The following GALNT13 variants were observed in gnomAD, a reference collection of about 807,000 sequenced individuals.
The protein encoded by GALNT13 is UDP-GalNAc:polypeptide N-acetylgalactosaminyltransferase 13.
Under a neutral mutation model 64.2 loss-of-function variants are expected in GALNT13, and 28 were observed. The ratio of observed to expected loss-of-function variants is 0.44; its 90% CI spans 0.32 to 0.60. GALNT13 has a LOEUF of 0.60. GALNT13 is among the 20% of genes least tolerant of loss of function. The pLI, the probability that GALNT13 is intolerant of heterozygous loss-of-function variation, is 0.05. For missense variants in GALNT13, 577 were observed against 669.8 expected, an observed-to-expected ratio of 0.86 and a Z score of 1.53; for synonymous variants, 214 against 224.6, an observed-to-expected ratio of 0.95 and a Z score of 0.42.
intron 11 of GALNT13, among the ~76,000 whole-genome samples, chr2:154,432,752 G>A (rs188825430): frequency 2.5e-4 from 38 of 152,134 alleles, no homozygotes; most frequent in Admixed American, 3.3e-4. Context: ...TTATAAGGAC[G>A]CCAGTCCTTT....
At chr2:153,630,794 T>A in the GALNT13 span, among the ~76,000 whole-genome samples, 2 of 13,006 alleles carry the variant, frequency 1.5e-4, no homozygotes, top group African/African-American at 2.6e-4. Context: ...TATATATATA[T>A]ATATATATAT....
At chr2:154,141,009 A>G (rs1473572522) in intron 4 of GALNT13, among the ~76,000 whole-genome samples, 1 of 152,204 alleles carries the variant, frequency 6.6e-6, no homozygotes, top group Admixed American at 6.5e-5. Context: ...ACAGCATTTT[A>G]CTGTACTGAA....
the GALNT13 span, among the ~76,000 whole-genome samples, chr2:153,253,810 G>C: frequency 2.0e-5 from 3 of 151,694 alleles, no homozygotes; most frequent in Non-Finnish European, 4.4e-5. Flanking sequence ...TGCATCCCAG[G>C]GATGAAGCCC....
At chr2:153,771,658 G>T in the GALNT13 span, among the ~76,000 whole-genome samples, 1 of 152,158 alleles carries the variant, frequency 6.6e-6, no homozygotes, top group Non-Finnish European at 1.5e-5. Context: ...GTAGGAAAAA[G>T]GAGGGGCACC....
At chr2:153,868,175 T>C (rs566661593), upstream of GALNT13, among the ~76,000 whole-genome samples, 2 of 152,308 alleles carry the variant, frequency 1.3e-5, no homozygotes, top group Non-Finnish European at 2.9e-5. Flanking sequence ...TCCCAGTTCC[T>C]AGTAAATAAC....
At chr2:153,507,094 T>C in the GALNT13 span, among the ~76,000 whole-genome samples, 1 of 152,132 alleles carries the variant, frequency 6.6e-6, no homozygotes, top group Non-Finnish European at 1.5e-5. Context: ...TTCAAAAGCC[T>C]TGTATTCAAG....
At chr2:153,267,199 C>T in the GALNT13 span, among the ~76,000 whole-genome samples, 6 of 152,224 alleles carry the variant, frequency 3.9e-5, no homozygotes, top group African/African-American at 1.2e-4. Flanking sequence ...ACCTGTGGCT[C>T]TGTAAGGTAC....
At chr2:153,633,036 C>T in the GALNT13 span, among the ~76,000 whole-genome samples, 1 of 152,132 alleles carries the variant, frequency 6.6e-6, no homozygotes, top group Non-Finnish European at 1.5e-5. Context: ...GCTGGGATTA[C>T]AGGCGTGAGC....
the GALNT13 span, among the ~76,000 whole-genome samples, chr2:153,808,940 A>G: frequency 6.6e-6 from 1 of 152,210 alleles, no homozygotes; most frequent in Admixed American, 6.5e-5. Context: ...TGAATATCTG[A>G]ACATGGGTAG....
rs78560447 is a variant in GALNT13, at chr2:153,926,903, C to T, written c.-104-17491C>T. On this transcript the variant is annotated intron_variant, in intron 2 of 12. Coordinates refer to ENST00000392825, the MANE Select transcript of GALNT13 (RefSeq NM_052917.4). ...CTAGTTACTATATAAAATCACAAAACGCATTAGAGAAGCACAATGAAAATT... is the reference window on the plus strand; with the variant it reads ...CTAGTTACTATATAAAATCACAAAATGCATTAGAGAAGCACAATGAAAATT... Among the ~76,000 whole-genome samples, 832 of 152,096 alleles carry T rather than the reference C, an allele frequency of 5.5e-3. 2 individuals are homozygous for T. Among genetic ancestry groups the T allele is most frequent in the Non-Finnish European group, 7.8e-3 (530 of 67,956 alleles).
At position 153,872,074 on chromosome 2, in the gene GALNT13, G is replaced by A. The variant is rs1304589495; in HGVS notation, c.-406G>A. On this transcript the variant is annotated 5_prime_UTR_variant, in exon 1 of 13. Transcript: ENST00000392825. ...TGAAGGCCCCTCTCTGGGGCTGGCCGAGGCTGGAGCCGGCTCCCTCTGCTC... is the reference window on the plus strand; with the variant it reads ...TGAAGGCCCCTCTCTGGGGCTGGCCAAGGCTGGAGCCGGCTCCCTCTGCTC... 2.0e-5 allele frequency: 3 copies of A among 152,164 alleles called. No homozygotes were observed. The highest frequency in any genetic ancestry group is 3.9e-4 in the East Asian group (2 of 5,098). 9.4% of individuals were successfully genotyped at this position (152,164 alleles called of 1,614,324 possible). A position where few individuals can be genotyped will look rare whatever the true frequency, so the allele number is the denominator to read the frequency against.
intron 8 of GALNT13, among the ~76,000 whole-genome samples, chr2:154,291,760 C>T (rs1011346940): frequency 2.6e-5 from 4 of 152,264 alleles, no homozygotes; most frequent in African/African-American, 9.6e-5. Context: ...GCACAGCGGC[C>T]TGCTGAAGGG....
intron 3 of GALNT13, among the ~76,000 whole-genome samples, chr2:153,967,972 A>G (rs1318806606): frequency 2.0e-5 from 3 of 151,964 alleles, no homozygotes; most frequent in Non-Finnish European, 4.4e-5. Flanking sequence ...ACGTTGCAAG[A>G]CAAAGTCCTC....
intron 3 of GALNT13, among the ~76,000 whole-genome samples, chr2:154,093,261 G>T (rs1701906621): frequency 6.6e-6 from 1 of 151,870 alleles, no homozygotes; most frequent in East Asian, 1.9e-4. Flanking sequence ...CTTCTTCTAT[G>T]ATTACTTTTT....
the GALNT13 span, among the ~76,000 whole-genome samples, chr2:153,533,430 T>G: frequency 2.0e-5 from 3 of 152,110 alleles, no homozygotes; most frequent in East Asian, 5.8e-4. Context: ...TTTTGTATTT[T>G]TAGTAGAGAC....
chr2:153,176,770 TAAA>T, the GALNT13 span, among the ~76,000 whole-genome samples: 58 of 139,680 alleles, frequency 4.2e-4, no homozygotes, highest in Non-Finnish European at 5.1e-4. Context: ...TGCCTGAGTT[TAAA>T]AAAAAAAAAA....
intron 3 of GALNT13, among the ~76,000 whole-genome samples, chr2:153,969,726 A>T (rs1693616622): frequency 6.6e-6 from 1 of 152,194 alleles, no homozygotes; most frequent in Non-Finnish European, 1.5e-5. Context: ...AAAGTTTAAA[A>T]ATCTTTCTTT....
chr2:153,809,997 G>A, the GALNT13 span, among the ~76,000 whole-genome samples: 2 of 152,170 alleles, frequency 1.3e-5, no homozygotes, highest in East Asian at 3.9e-4. Context: ...GAGTTGCTCT[G>A]TCATCCAGGC....
chr2:153,153,292 GTA>G, the GALNT13 span, among the ~76,000 whole-genome samples: 1,636 of 152,120 alleles, frequency 0.011, 36 homozygotes, highest in African/African-American at 0.037. Flanking sequence ...TATAGATGCT[GTA>G]TATTAGACTT....
Sources: allele counts gnomAD v4.1 joint callset (sites outside exome capture counted in the v4.1 genomes callset), GRCh38; gene constraint gnomAD v4.1.1; transcripts MANE v1.5; gene names NCBI Gene and HGNC (gene_info 2026-07-23, HGNC 2026-07-21).